Variants in RIN2 observed in about 807,000 individuals in gnomAD.
RIN2 encodes the protein Ras and Rab interactor 2.
A neutral mutation model predicts 78.0 loss-of-function variants in RIN2; 36 were observed. The ratio of observed to expected loss-of-function variants is 0.46; its 90% CI spans 0.35 to 0.61. RIN2 has a LOEUF of 0.61. Ranked by LOEUF, RIN2 falls within the 20% of genes least tolerant of loss-of-function variation. The probability of loss-of-function intolerance (pLI) is 0.00; values close to 1 mark genes in which losing one functional copy is unlikely to be tolerated. For synonymous variants in RIN2, 466 were observed against 466.8 expected, an observed-to-expected ratio of 1.00 and a Z score of 0.02; for missense variants, 1,087 against 1,159.7, an observed-to-expected ratio of 0.94 and a Z score of 0.91.
chr20:19,759,952 G>C (rs1461026015), intron 1 of RIN2, among the ~76,000 whole-genome samples: 1 of 152,196 alleles, frequency 6.6e-6, no homozygotes, highest in African/African-American at 2.4e-5. Context: ...CCCTTGCCTG[G>C]TGGTTTGAGA....
At chr20:19,917,531 C>T (rs2039735402) in intron 3 of RIN2, among the ~76,000 whole-genome samples, 2 of 152,186 alleles carry the variant, frequency 1.3e-5, no homozygotes, top group African/African-American at 2.4e-5. Flanking sequence ...AATCACTCCA[C>T]TCGGGAATGA....
At chr20:19,992,025 A>G (rs2042811534) in intron 10 of RIN2, 143 bp from the exon 11 acceptor site, 1 of 915,500 alleles carries the variant, frequency 1.1e-6, no homozygotes, top group African/African-American at 1.7e-5. Flanking sequence ...GCTACATAGG[A>G]TTCCAGAAAC....
intron 3 of RIN2, among the ~76,000 whole-genome samples, chr20:19,920,080 G>A (rs1472831926): frequency 6.6e-6 from 1 of 151,898 alleles, no homozygotes; most frequent in Non-Finnish European, 1.5e-5. Context: ...AGATCACAAG[G>A]TCAGAAGATC....
At chr20:19,783,080 C>T (rs758346303) in intron 1 of RIN2, among the ~76,000 whole-genome samples, 3 of 152,156 alleles carry the variant, frequency 2.0e-5, no homozygotes, top group Non-Finnish European at 4.4e-5. Context: ...GAGTGCCCCA[C>T]GTTGGTGGTG....
intron 7 of RIN2, among the ~76,000 whole-genome samples, chr20:19,967,389 G>A (rs1224810725): frequency 2.6e-5 from 4 of 152,106 alleles, no homozygotes; most frequent in Non-Finnish European, 5.9e-5. Flanking sequence ...CTTGGCAATT[G>A]GTAGTTGATT....
Position 19,975,236 on chromosome 20 carries a change from C to T in RIN2, c.1211C>T (p.Ala404Val). 6.3e-7 allele frequency: 1 copy of T among 1,583,268 alleles called. No individual in the cohort carries two copies. The highest frequency in any genetic ancestry group is 1.3e-5 in the African/African-American group (1 of 74,474). Residue 404 changes from alanine to valine, a missense_variant, in exon 9 of 13, where the codon GCC becomes GTC. By Grantham distance (64) the Ala-to-Val change is moderately conservative. This residue lies in a region of RIN2 where 706 missense variants were observed against 667.5 expected (regional missense o/e 1.06). Coordinates refer to ENST00000255006, the MANE Select transcript of RIN2 (RefSeq NM_018993.4). The surrounding 1 kb of genome is among the most constrained non-coding windows in gnomAD (Gnocchi z 4.9). ...CCAGGTGGGGCCCCGCCTGAGGCCGCCCCGGGGGATTGCACAAGGGCCCCG... is the reference window on the plus strand; with the variant it reads ...CCAGGTGGGGCCCCGCCTGAGGCCGTCCCGGGGGATTGCACAAGGGCCCCG... Reference protein sequence around the residue: ...GSPGGAPPEAAPGDCTRAPPP... With the variant: ...GSPGGAPPEAVPGDCTRAPPP...
At chr20:19,940,004 G>A (rs1321983698) in intron 4 of RIN2, among the ~76,000 whole-genome samples, 2 of 151,950 alleles carry the variant, frequency 1.3e-5, no homozygotes, top group Non-Finnish European at 2.9e-5. Context: ...ACAGGCACGC[G>A]CCACCACCAC....
rs527625080 is a variant in RIN2 at position 19,917,744 on chromosome 20, C to A, written c.58-17355C>A. Among the ~76,000 whole-genome samples, 7 of 142,718 alleles carry A rather than the reference C, an allele frequency of 4.9e-5. No homozygotes were observed. The South Asian group carries it at 1.6e-3, about 33-fold the overall frequency. 93.6% of individuals were successfully genotyped at this position (142,718 alleles called of 152,430 possible). A position where few individuals can be genotyped will look rare whatever the true frequency, so the allele number is the denominator to read the frequency against. On this transcript the variant is annotated intron_variant, in intron 3 of 12. Transcript: ENST00000255006. Reference sequence around the variant, plus strand: ...TTGACATACAATATATCGATATATACTGTACATCTCAAGAAATATGTTTTA... The same window carrying A: ...TTGACATACAATATATCGATATATAATGTACATCTCAAGAAATATGTTTTA...
intron 3 of RIN2, among the ~76,000 whole-genome samples, chr20:19,908,149 A>C (rs1009330493): frequency 3.9e-5 from 6 of 152,182 alleles, no homozygotes; most frequent in Admixed American, 2.6e-4. Flanking sequence ...AAACCAAAAA[A>C]GACTCATCCA....
chr20:19,861,001 C>T (rs2037316231), intron 2 of RIN2, among the ~76,000 whole-genome samples: 3 of 152,174 alleles, frequency 2.0e-5, no homozygotes, highest in South Asian at 4.1e-4. Context: ...TATTACAAAT[C>T]CTATGATAAC....
chr20:19,986,589 T>G (rs2042630417), intron 9 of RIN2, among the ~76,000 whole-genome samples: 1 of 152,266 alleles, frequency 6.6e-6, no homozygotes, highest in East Asian at 1.9e-4. Flanking sequence ...GCAGCAAGGA[T>G]GAGTTGCTCA....
chr20:19,788,379 A>C (rs1445577262), intron 1 of RIN2, among the ~76,000 whole-genome samples: 4 of 149,868 alleles, frequency 2.7e-5, no homozygotes, highest in South Asian at 2.1e-4. Context: ...CAGATCACTT[A>C]AAGTCAGGAG....
intron 1 of RIN2, among the ~76,000 whole-genome samples, chr20:19,795,200 T>C (rs919553123): frequency 6.6e-6 from 1 of 152,188 alleles, no homozygotes; most frequent in African/African-American, 2.4e-5. Context: ...TCTGTTTCTG[T>C]TTTTAATATG....
chr20:19,804,903 C>T (rs58506873), intron 2 of RIN2, among the ~76,000 whole-genome samples: 2,335 of 152,176 alleles, frequency 0.015, 70 homozygotes, highest in African/African-American at 0.053. Context: ...TTATGACTCC[C>T]TCAAAATTTC....
At position 19,889,615 on chromosome 20, in the gene RIN2, C is replaced by G; in HGVS notation, c.14C>G (p.Thr5Ser). The G allele has an allele frequency of 6.4e-7, 1 of 1,551,230 alleles. No homozygotes were observed. Among genetic ancestry groups the G allele is most frequent in the Non-Finnish European group, 8.7e-7 (1 of 1,146,928 alleles). Residue 5 changes from threonine to serine, a missense_variant, in exon 3 of 13, where the codon ACC becomes AGC. By Grantham distance (58) the Thr-to-Ser change is moderately conservative. Around this residue, in one of 8 missense-constraint regions of RIN2, gnomAD observed 706 missense variants for 667.5 expected, o/e 1.06. Transcript: ENST00000255006. MTAW[T>S]MGARGLDKRG... ...TCGCTGGGGGAAATGACAGCTTGGA[C>G]CATGGGCGCCCGCGGTCTGGACAAG... is the stretch of plus-strand genomic sequence containing the variant.
intron 2 of RIN2, among the ~76,000 whole-genome samples, chr20:19,851,982 C>T (rs1031511545): frequency 3.9e-5 from 6 of 152,244 alleles, no homozygotes; most frequent in South Asian, 2.1e-4. Flanking sequence ...GGCTGCAAGT[C>T]GTGGATTGGT....
At chr20:19,767,224 C>T (rs2033925229) in intron 1 of RIN2, among the ~76,000 whole-genome samples, 1 of 152,232 alleles carries the variant, frequency 6.6e-6, no homozygotes, top group Non-Finnish European at 1.5e-5. Context: ...TGCGAACAGA[C>T]TGCTTGGGGA....
intron 2 of RIN2, among the ~76,000 whole-genome samples, chr20:19,835,292 G>T (rs6106140): frequency 0.77 from 117,818 of 152,056 alleles, 46,526 homozygotes; most frequent in East Asian, 0.93. Context: ...TACATATGTG[G>T]GTGTGTGGTG....
intron 3 of RIN2, among the ~76,000 whole-genome samples, chr20:19,907,575 C>T (rs2039272543): frequency 6.6e-6 from 1 of 152,166 alleles, no homozygotes; most frequent in Admixed American, 6.5e-5. Context: ...TTCCAAGGAA[C>T]CAAAGAAGAT....
Sources: allele counts gnomAD v4.1 joint callset (sites outside exome capture counted in the v4.1 genomes callset), GRCh38; gene constraint gnomAD v4.1.1; regional missense constraint gnomAD v4.1.1; non-coding constraint Gnocchi (gnomAD v3.1); transcripts MANE v1.5; gene names NCBI Gene and HGNC (gene_info 2026-07-23, HGNC 2026-07-21).